The following ZPBP2 variants were observed in gnomAD, a reference collection of about 807,000 sequenced individuals.
ZPBP2 encodes the protein zona pellucida-binding protein 2.
A neutral mutation model predicts 37.5 loss-of-function variants in ZPBP2; 34 were observed. The observed-to-expected ratio is 0.91, with a 90% CI of 0.69 to 1.21. The LOEUF (loss-of-function observed/expected upper bound fraction) is 1.21, where lower values mean the gene tolerates loss of function less well. Ranked by LOEUF, ZPBP2 falls within the 50% of genes most tolerant of loss-of-function variation. ZPBP2 has a pLI of 0.00. For missense variants in ZPBP2, 397 were observed against 413.5 expected, an observed-to-expected ratio of 0.96 and a Z score of 0.35; for synonymous variants, 143 against 138.4, an observed-to-expected ratio of 1.03 and a Z score of -0.23.
In ZPBP2 at chr17:39,876,842, CG is replaced by C. The variant is rs1568093243; in HGVS notation, c.*37del. 6.2e-7 allele frequency: 1 copy of C among 1,610,302 alleles called. No individual in the cohort carries two copies. The highest frequency in any genetic ancestry group is 1.3e-5 in the African/African-American group (1 of 74,874). Reference sequence around the variant, plus strand: ...AGCATTGTTACTTACTTGTGGAAGTCGGGGACATAAGATGATTTTCACATCC... The same window carrying C: ...AGCATTGTTACTTACTTGTGGAAGTCGGGACATAAGATGATTTTCACATCC... On this transcript the variant is annotated 3_prime_UTR_variant, in exon 8 of 8. Transcript: ENST00000348931.
chr17:39,874,904 C>G lies in ZPBP2; in HGVS notation c.709-350C>G, dbSNP rs148986885. ...TAGCTGAGACTACAGGCACATGCCA[C>G]CACACCTAGCTAATTTTTGTATTTT... On this transcript the variant is annotated intron_variant, in intron 6 of 7. Coordinates refer to ENST00000348931, the MANE Select transcript of ZPBP2 (RefSeq NM_199321.3). 6.8e-3 allele frequency among the ~76,000 whole-genome samples: 1,038 copies of G among 152,232 alleles called. 14 individuals are homozygous for G. Among genetic ancestry groups the G allele is most frequent in the African/African-American group, 0.024 (994 of 41,528 alleles).
chr17:39,876,607 G>GTATA, intron 7 of ZPBP2, 75 bp from the exon 8 acceptor site: 1 of 1,530,274 alleles, frequency 6.5e-7, no homozygotes, highest in Non-Finnish European at 8.9e-7. Flanking sequence ...TATATTGTTG[G>GTATA]TATAGAATAC....
In ZPBP2 at chr17:39,868,332, C is replaced by T. The variant is rs904007074; in HGVS notation, c.-23C>T. On this transcript the variant is annotated 5_prime_UTR_variant, in exon 1 of 8. Coordinates refer to ENST00000348931, the MANE Select transcript of ZPBP2 (RefSeq NM_199321.3). ...GGAGGGAGTCTGTCCCTCGACGCCT[C>T]CTGCGACGCCAGCCCCTGAGCGATG... 6.2e-7 allele frequency: 1 copy of T among 1,606,228 alleles called. No homozygotes were observed. The highest frequency in any genetic ancestry group is 8.5e-7 in the Non-Finnish European group (1 of 1,179,638).
rs2063369717 is a variant in ZPBP2 at position 39,872,449 on chromosome 17, G to A, written c.586G>A (p.Glu196Lys). The change falls in exon 5 of 8, where the codon GAA becomes AAA. Residue 196 changes from glutamate to lysine, a missense_variant. Glu to Lys is a moderately conservative substitution (Grantham distance 56). Transcript: ENST00000348931. Reference protein sequence around the residue: ...SYKCHSVEIPEHGLIHELFIA... With the variant: ...SYKCHSVEIPKHGLIHELFIA... ...TAAATGCCATTCTGTTGAAATTCCAGAACATGGCCTCATACATGAGCTATT... is the reference window on the plus strand; with the variant it reads ...TAAATGCCATTCTGTTGAAATTCCAAAACATGGCCTCATACATGAGCTATT... 1 of 1,612,370 alleles carries A rather than the reference G, an allele frequency of 6.2e-7. No homozygotes were observed. Among genetic ancestry groups the A allele is most frequent in the Admixed American group, 1.7e-5 (1 of 59,854 alleles).
intron 3 of ZPBP2, 138 bp from the exon 4 acceptor site, chr17:39,871,325 GA>G (rs1309178916): frequency 1.8e-6 from 1 of 557,440 alleles, no homozygotes; most frequent in Non-Finnish European, 3.0e-6. Flanking sequence ...TAATATGACA[GA>G]ATTAAGATTT....
chr17:39,870,724 G>A lies in ZPBP2; in HGVS notation c.149G>A (p.Ser50Asn). 1 of 1,513,690 alleles carries A rather than the reference G, an allele frequency of 6.6e-7. No homozygotes were observed. The highest frequency in any genetic ancestry group is 1.3e-5 in the South Asian group (1 of 75,600). 93.8% of individuals were successfully genotyped at this position (1,513,690 alleles called of 1,614,324 possible). A position where few individuals can be genotyped will look rare whatever the true frequency, so the allele number is the denominator to read the frequency against. Residue 50 changes from serine to asparagine, a missense_variant, in exon 3 of 8, where the codon AGT (serine) becomes AAT (asparagine). By Grantham distance (46) the Ser-to-Asn change is conservative. Transcript: ENST00000348931. ...ATATATGTAGAGTTACATCAAAATAGTCCAGTCCTTATCTGTATGGATTTT... is the reference window on the plus strand; with the variant it reads ...ATATATGTAGAGTTACATCAAAATAATCCAGTCCTTATCTGTATGGATTTT... ...DKIYVELHQN[S>N]PVLICMDFKL... is the part of the protein sequence containing the mutation.
chr17:39,870,369 C>A, intron 2 of ZPBP2, among the ~76,000 whole-genome samples: 1 of 152,142 alleles, frequency 6.6e-6, no homozygotes, highest in Middle Eastern at 3.2e-3. Context: ...ATTGCTTCCA[C>A]CAACCCTCCA....
rs756046832 is a variant in ZPBP2, at chr17:39,876,662, C to T, written c.890-20C>T. On this transcript the variant is annotated intron_variant, in intron 7 of 7. Transcript: ENST00000348931. ...AAAATATCTCTAAATTATAATTACT[C>T]CCTGTGTTTTCCTCTGCAGTGGTTT... 4 of 1,612,190 alleles carry T rather than the reference C, an allele frequency of 2.5e-6. No homozygotes were observed. The South Asian group carries it at 4.4e-5, about 18-fold the overall frequency.
chr17:39,870,791 G>A lies in ZPBP2; in HGVS notation c.216G>A (p.Trp72Ter). 1 of 1,562,890 alleles carries A rather than the reference G, an allele frequency of 6.4e-7. No homozygotes were observed. Among genetic ancestry groups the A allele is most frequent in the South Asian group, 1.2e-5 (1 of 81,510 alleles). Reference protein sequence around the residue: ...KKEIVDPTYLWIGPNEKTLTG... With the variant: ...KKEIVDPTYL ...AAATAGTGGACCCCACCTACTTATG[G>A]ATTGGGCCTAATGAAAAGACGTTAA... is the stretch of plus-strand genomic sequence containing the variant. The change falls in exon 3 of 8, where the codon TGG becomes TGA. Residue 72 changes from tryptophan to a stop codon, truncating the protein, a stop_gained. Transcript: ENST00000348931. LOFTEE classifies it high-confidence loss of function.
In ZPBP2 at chr17:39,872,469, G is replaced by A. The variant is rs778206601; in HGVS notation, c.606G>A (p.Glu202=). 6 of 1,598,020 alleles carry A rather than the reference G, an allele frequency of 3.8e-6. No individual in the cohort carries two copies. Among genetic ancestry groups the A allele is most frequent in the South Asian group, 1.1e-5 (1 of 87,502 alleles). Reference sequence around the variant, plus strand: ...TTCCAGAACATGGCCTCATACATGAGCTATTTATAGCATTTCAAGGTAAAA... The same window carrying A: ...TTCCAGAACATGGCCTCATACATGAACTATTTATAGCATTTCAAGGTAAAA... ...VEIPEHGLIH[E]LFIAFQVNPF... is the part of the protein sequence containing the mutation. The change falls in exon 5 of 8, where the codon GAG becomes GAA. Residue 202 remains glutamate, a synonymous_variant. Transcript: ENST00000348931.
intron 6 of ZPBP2, among the ~76,000 whole-genome samples, 191 bp from the exon 7 acceptor site, chr17:39,875,063 A>G (rs1016486568): frequency 6.6e-6 from 1 of 152,206 alleles, no homozygotes; most frequent in Non-Finnish European, 1.5e-5. Context: ...TTTCTTAACC[A>G]TTGCACATAT....
rs369791622 is a variant in ZPBP2 at position 39,875,319 on chromosome 17, A to G, written c.774A>G (p.Lys258=). 2 of 1,613,894 alleles carry G rather than the reference A, an allele frequency of 1.2e-6. No homozygotes were observed. Among genetic ancestry groups the G allele is most frequent in the African/African-American group, 1.3e-5 (1 of 74,904 alleles). ...QAYIFYHNFN[K]TLPAMHFVDH... ...ATATTTTCTACCATAACTTTAATAA[A>G]ACTCTACCAGCAATGCATTTTGTGG... The change falls in exon 7 of 8, where the codon AAA becomes AAG. Residue 258 remains lysine (K), a synonymous_variant. Transcript: ENST00000348931.
intron 2 of ZPBP2, 127 bp from the exon 3 acceptor site, chr17:39,870,567 A>G (rs1038430269): frequency 9.5e-6 from 5 of 526,282 alleles, no homozygotes; most frequent in Non-Finnish European, 1.5e-5. Flanking sequence ...AATGTTATAT[A>G]TTGATTTTTA....
chr17:39,871,376 A>T (rs2063363763), intron 3 of ZPBP2, 88 bp from the exon 4 acceptor site: 1 of 915,976 alleles, frequency 1.1e-6, no homozygotes. Context: ...TTAATTTTTA[A>T]AATTTTTGTA....
intron 2 of ZPBP2, 47 bp downstream of exon 2, chr17:39,868,661 T>A (rs2063347561): frequency 6.2e-7 from 1 of 1,607,368 alleles, no homozygotes; most frequent in African/African-American, 1.3e-5. Context: ...GGGCCGGAAC[T>A]GCGAAGCTCT....
rs888589061 is a variant in ZPBP2, at chr17:39,873,208, G to A, written c.708+82G>A. 6 of 1,280,910 alleles carry A rather than the reference G, an allele frequency of 4.7e-6. No individual in the cohort carries two copies. In the African/African-American group the frequency reaches 7.6e-5, roughly 16 times the overall value. 79.3% of individuals were successfully genotyped at this position (1,280,910 alleles called of 1,614,324 possible). A position where few individuals can be genotyped will look rare whatever the true frequency, so the allele number is the denominator to read the frequency against. On this transcript the variant is annotated intron_variant, in intron 6 of 7. Coordinates refer to ENST00000348931, the MANE Select transcript of ZPBP2 (RefSeq NM_199321.3). ...GTGTCACCCAGGCTGGAGTGCAGTG[G>A]TGCGACCATAGCTCACTGCAGCCTC...
At chr17:39,869,079 T>G (rs541309088) in intron 2 of ZPBP2, among the ~76,000 whole-genome samples, 1 of 152,330 alleles carries the variant, frequency 6.6e-6, no homozygotes, top group South Asian at 2.1e-4. Flanking sequence ...TTAGATAAAT[T>G]GAGCCAGTTG....
chr17:39,871,360 A>G, intron 3 of ZPBP2, 104 bp from the exon 4 acceptor site: 1 of 663,632 alleles, frequency 1.5e-6, no homozygotes, highest in South Asian at 3.4e-5. Flanking sequence ...AAGTTGAGAT[A>G]GTTCATTAAT....
intron 2 of ZPBP2, among the ~76,000 whole-genome samples, chr17:39,868,862 A>G (rs1314569008): frequency 6.6e-6 from 1 of 152,156 alleles, no homozygotes; most frequent in Admixed American, 6.5e-5. Flanking sequence ...TCTCTCTCAG[A>G]TGCCATCTCA....
Sources: gnomAD v4.1 joint callset for allele counts (sites outside exome capture counted in the v4.1 genomes callset) on GRCh38, gnomAD v4.1.1 for gene constraint, MANE v1.5 for transcripts, NCBI Gene and HGNC (gene_info 2026-07-23, HGNC 2026-07-21) for gene names.